Variants in NLRP1 observed in about 807,000 individuals in gnomAD.
NLRP1 encodes NACHT, LRR and PYD domains-containing protein 1.
A neutral mutation model predicts 136.7 loss-of-function variants in NLRP1; 94 were observed. The observed-to-expected ratio is 0.69, with a 90% CI of 0.58 to 0.82. The LOEUF is 0.82. Among genes scored for constraint, NLRP1 ranks in the 40% least tolerant of loss-of-function variants. The pLI, the probability that NLRP1 is intolerant of heterozygous loss-of-function variation, is 0.00. For missense variants in NLRP1, 1,575 were observed against 1,802.7 expected (o/e 0.87, Z 2.29); for synonymous variants, 690 against 725.1 (o/e 0.95, Z 0.78).
intron 7 of NLRP1, among the ~76,000 whole-genome samples, chr17:5,539,150 C>T (rs983885297): frequency 2.6e-4 from 40 of 152,144 alleles, no homozygotes; most frequent in Non-Finnish European, 4.9e-4. Context: ...GGATTACAGG[C>T]GTGAGCCACC....
intron 5 of NLRP1, among the ~76,000 whole-genome samples, chr17:5,542,392 C>T (rs1911983955): frequency 6.6e-6 from 1 of 151,920 alleles, no homozygotes; most frequent in Admixed American, 6.6e-5. Flanking sequence ...CCTTCCTCAC[C>T]CCAGGCACAG....
rs201146328 is a variant in NLRP1, at chr17:5,533,904, G to A, written c.3045C>T (p.Leu1015=). The A allele has an allele frequency of 5.6e-6, 9 of 1,608,990 alleles. No individual in the cohort carries two copies. The East Asian group carries it at 8.9e-5, about 16-fold the overall frequency. ...CTTGCCCCTTCAAACTACCTGATCC[G>A]AGTCTCTGCCGCTTGAGTGAGGATG... is the stretch of plus-strand genomic sequence containing the variant. ...NSTSSLKRQR[L]GSERAASHVA... The change falls in exon 9 of 17, where the codon CTC becomes CTT. Residue 1015 remains leucine, a synonymous_variant. Coordinates refer to ENST00000572272, the MANE Select transcript of NLRP1 (RefSeq NM_033004.4).
At chr17:5,503,404 T>G (rs577787147) in intron 15 of NLRP1, 2 of 152,196 alleles carry the variant, frequency 1.3e-5, no homozygotes, top group Admixed American at 1.3e-4. Flanking sequence ...CAGTGAGGAG[T>G]GCAGGTGTTA....
chr17:5,556,626 AT>A (rs35933109), intron 4 of NLRP1, among the ~76,000 whole-genome samples: 53 of 146,642 alleles, frequency 3.6e-4, no homozygotes, highest in East Asian at 6.0e-4. Context: ...TTGACCACTA[AT>A]TTTTTTTTTT....
chr17:5,508,044 G>C (rs8072806), intron 15 of NLRP1, among the ~76,000 whole-genome samples: 42,559 of 151,966 alleles, frequency 0.28, 6,412 homozygotes, highest in African/African-American at 0.4. Flanking sequence ...TGAGGCAGGA[G>C]AATTGCTTGA....
Position 5,582,064 on chromosome 17 carries a change from T to TG in NLRP1, c.449-3dup, listed in dbSNP as rs1010176101. On this transcript the variant is annotated splice_region_variant and splice_polypyrimidine_tract_variant and intron_variant, in intron 2 of 16. Coordinates refer to ENST00000572272, the MANE Select transcript of NLRP1 (RefSeq NM_033004.4). ...GGTAGAGGAGTGAGGCAGAGATTTC[T>TG]GGGGGGAATGAAAAGAAAAATAACC... The TG allele has an allele frequency of 2.5e-6, 4 of 1,607,270 alleles. No homozygotes were observed. The highest frequency in any genetic ancestry group is 3.4e-6 in the Non-Finnish European group (4 of 1,175,316).
At chr17:5,536,784 T>C (rs1346243355) in intron 8 of NLRP1, 67 bp downstream of exon 8, 22 of 1,143,356 alleles carry the variant, frequency 1.9e-5, no homozygotes, top group African/African-American at 4.6e-5. Context: ...ACCCCATGGC[T>C]CTTTCCCTGT....
At chr17:5,527,746 G>C (rs1909737168) in intron 12 of NLRP1, among the ~76,000 whole-genome samples, 1 of 152,244 alleles carries the variant, frequency 6.6e-6, no homozygotes, top group Admixed American at 6.5e-5. Flanking sequence ...AGTGCCACAA[G>C]CACAGTGAAT....
At chr17:5,548,599 T>C (rs1248396690) in intron 5 of NLRP1, among the ~76,000 whole-genome samples, 1 of 152,184 alleles carries the variant, frequency 6.6e-6, no homozygotes, top group Non-Finnish European at 1.5e-5. Flanking sequence ...GAAGAAAGTA[T>C]ATTTGTGGTC....
chr17:5,579,863 C>T (rs939267483), intron 3 of NLRP1, among the ~76,000 whole-genome samples: 3 of 152,228 alleles, frequency 2.0e-5, no homozygotes, highest in Admixed American at 1.3e-4. Flanking sequence ...GTAAACATTG[C>T]GTACACATGG....
At chr17:5,502,169 G>A (rs1333812683) in intron 15 of NLRP1, 4 of 310,246 alleles carry the variant, frequency 1.3e-5, no homozygotes, top group African/African-American at 6.4e-5. Flanking sequence ...AGTGAATAAC[G>A]GCAGCAGCAA....
intron 12 of NLRP1, among the ~76,000 whole-genome samples, chr17:5,527,185 T>C (rs11651072): frequency 0.05 from 7,656 of 152,224 alleles, 221 homozygotes; most frequent in Middle Eastern, 0.095. Context: ...CTGGGTCACA[T>C]TGGAAGAAGA....
chr17:5,504,173 C>A lies in NLRP1; in HGVS notation c.4070-2301G>T, dbSNP rs865973690. 13 of 156,722 alleles carry A rather than the reference C, an allele frequency of 8.3e-5. No individual in the cohort carries two copies. The highest frequency in any genetic ancestry group is 2.3e-3 in the Middle Eastern group (1 of 426). The allele number at this position is 156,722 out of a possible 1,614,324, so 9.7% of individuals were successfully genotyped here. A position where few individuals can be genotyped will look rare whatever the true frequency, so the allele number is the denominator to read the frequency against. On this transcript the variant is annotated intron_variant, in intron 15 of 15. Coordinates refer to the NLRP1 transcript ENST00000262467. The surrounding 1 kb of genome is among the most constrained non-coding windows in gnomAD (Gnocchi z 4.4). ...GCAGCAGCAGCCAATCACTGGCCAC[C>A]GACTGTGTGCTGGGAACTGTGCTCA... is the stretch of plus-strand genomic sequence containing the variant.
chr17:5,547,476 C>A (rs1483445179), intron 5 of NLRP1, among the ~76,000 whole-genome samples: 2 of 152,184 alleles, frequency 1.3e-5, no homozygotes, highest in Non-Finnish European at 2.9e-5. Context: ...TGTCCTTCCC[C>A]AGCCCATTTC....
chr17:5,512,420 C>T (rs371845029), downstream of NLRP1: 49 of 906,830 alleles, frequency 5.4e-5, no homozygotes, highest in African/African-American at 3.1e-4. Context: ...TTTTCAAGGG[C>T]GGCAGGGCAA....
In NLRP1 at chr17:5,559,383, G is replaced by A. The variant is rs769616540; in HGVS notation, c.1313C>T (p.Ala438Val). The A allele has an allele frequency of 6.2e-7, 1 of 1,614,036 alleles. No homozygotes were observed. The highest frequency in any genetic ancestry group is 1.1e-5 in the South Asian group (1 of 91,062). ...LHWSQPQPAD[A>V]LLGSLLGKTI... ...TTTCCCCAGCAAACTGCCCAGCAGT[G>A]CATCCGCCGGCTGTGGCTGGCTCCA... The change falls in exon 4 of 17, where the codon GCA (alanine) becomes GTA (valine). Residue 438 changes from alanine (A) to valine (V), a missense_variant. Physicochemically the swap from Ala to Val is moderately conservative, Grantham distance 64 (BLOSUM62 0). Coordinates refer to ENST00000572272, the MANE Select transcript of NLRP1 (RefSeq NM_033004.4).
intron 14 of NLRP1, among the ~76,000 whole-genome samples, chr17:5,520,076 C>T (rs1357144766): frequency 1.3e-5 from 2 of 151,268 alleles, no homozygotes; most frequent in African/African-American, 4.9e-5. Context: ...AGGCTGGTCT[C>T]GAACTCCTGA....
rs74982058 is a variant in NLRP1, at chr17:5,533,105, G to A, written c.3134-121C>T. On this transcript the variant is annotated intron_variant, in intron 10 of 16. Transcript: ENST00000572272. ...CTGCCTGGACCATGGCAGGGAGTGT[G>A]TCTGCAGCTTCTGCTCCTGCTCCAT... The A allele has an allele frequency of 1.9e-3, 2,675 of 1,422,356 alleles. 46 individuals are homozygous for A. In the African/African-American group the frequency reaches 0.032, roughly 17 times the overall value. 88.1% of individuals were successfully genotyped at this position (1,422,356 alleles called of 1,614,324 possible). A position where few individuals can be genotyped will look rare whatever the true frequency, so the allele number is the denominator to read the frequency against.
At chr17:5,555,926 C>T (rs990854870) in intron 4 of NLRP1, among the ~76,000 whole-genome samples, 14 of 151,698 alleles carry the variant, frequency 9.2e-5, no homozygotes, top group Non-Finnish European at 2.9e-5. Flanking sequence ...AACCCCGTTT[C>T]TACTAAGACG....
Sources: allele counts gnomAD v4.1 joint callset (sites outside exome capture counted in the v4.1 genomes callset), GRCh38; gene constraint gnomAD v4.1.1; non-coding constraint Gnocchi (gnomAD v3.1); transcripts MANE v1.5; gene names NCBI Gene and HGNC (gene_info 2026-07-23, HGNC 2026-07-21).